CTNND2: variants seen among roughly 807,000 people sequenced by gnomAD.
The protein encoded by CTNND2 is catenin delta-2.
CTNND2 carries 22 observed loss-of-function variants against 144.4 expected under a neutral mutation model. The ratio of observed to expected loss-of-function variants is 0.15; its 90% CI spans 0.11 to 0.22. The LOEUF (loss-of-function observed/expected upper bound fraction) is 0.22, where lower values mean the gene tolerates loss of function less well. CTNND2 is among the 10% of genes least tolerant of loss of function. The pLI is 1.00. For synonymous variants in CTNND2, 751 were observed against 695.6 expected (o/e 1.08, Z -1.25); for missense variants, 1,353 against 1,618.8 (o/e 0.84, Z 2.82).
intron 2 of CTNND2, among the ~76,000 whole-genome samples, chr5:11,604,962 G>A (rs995393899): frequency 1.3e-5 from 2 of 152,150 alleles, no homozygotes; most frequent in Non-Finnish European, 2.9e-5. Flanking sequence ...GTTGCAGAAA[G>A]GTATTTGGAG....
At chr5:11,505,900 G>A (rs1770982939) in intron 3 of CTNND2, among the ~76,000 whole-genome samples, 1 of 152,132 alleles carries the variant, frequency 6.6e-6, no homozygotes, top group African/African-American at 2.4e-5. Flanking sequence ...TGTGCCAGCT[G>A]CGTTGGGTTT....
At chr5:11,299,194 T>G (rs1480414048) in intron 9 of CTNND2, among the ~76,000 whole-genome samples, 4 of 152,200 alleles carry the variant, frequency 2.6e-5, no homozygotes, top group Non-Finnish European at 5.9e-5. Context: ...CTAGCTGTTC[T>G]TTGGTTTTGG....
intron 12 of CTNND2, among the ~76,000 whole-genome samples, chr5:11,145,608 C>T (rs1757165679): frequency 6.6e-6 from 1 of 152,094 alleles, no homozygotes; most frequent in Non-Finnish European, 1.5e-5. Context: ...TATCATGGGT[C>T]CTCTCATCCT....
intron 11 of CTNND2, among the ~76,000 whole-genome samples, chr5:11,163,011 T>G (rs916477878): frequency 1.3e-5 from 2 of 152,006 alleles, no homozygotes; most frequent in South Asian, 2.1e-4. Context: ...GGAAAATAAA[T>G]TTTTTCCTCA....
chr5:11,292,292 T>C (rs1002938013), intron 9 of CTNND2, among the ~76,000 whole-genome samples: 15 of 152,106 alleles, frequency 9.9e-5, no homozygotes, highest in Admixed American at 7.2e-4. Flanking sequence ...CCGTAGTAGA[T>C]GTATTTAGTT....
At chr5:11,799,593 T>C (rs1189851526) in intron 1 of CTNND2, among the ~76,000 whole-genome samples, 2 of 152,290 alleles carry the variant, frequency 1.3e-5, no homozygotes, top group East Asian at 3.9e-4. Context: ...TTTGTGGAAT[T>C]TAATAGGAAA....
At chr5:11,756,749 C>A (rs1788964733) in intron 1 of CTNND2, among the ~76,000 whole-genome samples, 1 of 117,186 alleles carries the variant, frequency 8.5e-6, no homozygotes, top group African/African-American at 2.8e-5. Context: ...GAGACCATTT[C>A]AGACCATTAC....
chr5:11,498,835 A>C (rs1003462990), intron 3 of CTNND2, among the ~76,000 whole-genome samples: 1 of 152,218 alleles, frequency 6.6e-6, no homozygotes, highest in Non-Finnish European at 1.5e-5. Context: ...ACGACAATGA[A>C]GGTCATCTAA....
In CTNND2 at chr5:11,596,513, C is replaced by T. The variant is rs540099504; in HGVS notation, c.175-31457G>A. ...GCTAAGGCACTAGCCAAAGAGACTA[C>T]TTTAAAAATATTTATTTGCAAAGAG... On this transcript the variant is annotated intron_variant, in intron 2 of 21. Coordinates refer to ENST00000304623, the MANE Select transcript of CTNND2 (RefSeq NM_001332.4). Among the ~76,000 whole-genome samples, 11 of 152,274 alleles carry T rather than the reference C, an allele frequency of 7.2e-5. No individual in the cohort carries two copies. The East Asian group carries it at 2.1e-3, about 29-fold the overall frequency.
At chr5:11,662,729 C>T (rs979723787) in intron 2 of CTNND2, among the ~76,000 whole-genome samples, 2 of 152,120 alleles carry the variant, frequency 1.3e-5, no homozygotes, top group Admixed American at 6.6e-5. Flanking sequence ...CTGTGAACTG[C>T]GCATGCAAGA....
At chr5:10,978,871 C>T (rs765832883) in intron 21 of CTNND2, among the ~76,000 whole-genome samples, 1 of 152,224 alleles carries the variant, frequency 6.6e-6, no homozygotes, top group East Asian at 1.9e-4. Context: ...TGCTTAAATG[C>T]TCGGGATCTG....
chr5:11,720,320 T>G (rs1372074156), intron 2 of CTNND2, among the ~76,000 whole-genome samples: 1 of 152,164 alleles, frequency 6.6e-6, no homozygotes, highest in Non-Finnish European at 1.5e-5. Context: ...CTTCCAAATA[T>G]ATGGGGGGCT....
chr5:11,074,725 G>C (rs144458470), intron 16 of CTNND2, among the ~76,000 whole-genome samples: 1 of 152,102 alleles, frequency 6.6e-6, no homozygotes, highest in Non-Finnish European at 1.5e-5. Flanking sequence ...GTAAAGACCT[G>C]GCATGGAGGA....
chr5:11,648,296 A>T (rs1561655975), intron 2 of CTNND2, among the ~76,000 whole-genome samples: 2 of 152,080 alleles, frequency 1.3e-5, no homozygotes, highest in Non-Finnish European at 2.9e-5. Flanking sequence ...ATGGGCCACC[A>T]GACCTAGGCT....
intron 13 of CTNND2, among the ~76,000 whole-genome samples, chr5:11,112,868 C>T (rs1753147414): frequency 6.6e-6 from 1 of 152,026 alleles, no homozygotes; most frequent in Non-Finnish European, 1.5e-5. Flanking sequence ...ACAGGCTGGG[C>T]GCGGTGGCTC....
chr5:11,392,355 A>G (rs1290332579), intron 6 of CTNND2, among the ~76,000 whole-genome samples: 1 of 152,250 alleles, frequency 6.6e-6, no homozygotes, highest in Non-Finnish European at 1.5e-5. Flanking sequence ...AAATAAAGCA[A>G]TGATGTAAGT....
chr5:11,185,971 C>T (rs1339200350), intron 11 of CTNND2, among the ~76,000 whole-genome samples: 33 of 152,242 alleles, frequency 2.2e-4, no homozygotes, highest in Admixed American at 2.1e-3. Context: ...AGTAAAGCCA[C>T]AAATCAGTTA....
chr5:10,975,398 T>C (rs1157093053), intron 21 of CTNND2, among the ~76,000 whole-genome samples: 2 of 152,238 alleles, frequency 1.3e-5, no homozygotes, highest in African/African-American at 2.4e-5. Context: ...TTATGTGTGT[T>C]TGTGTCTGTC....
intron 9 of CTNND2, among the ~76,000 whole-genome samples, chr5:11,318,986 AGC>A (rs1751773904): frequency 6.6e-6 from 1 of 152,096 alleles, no homozygotes; most frequent in African/African-American, 2.4e-5. Context: ...CACTGTTTTA[AGC>A]ATGCTGTATA....
Sources: gnomAD v4.1 joint callset for allele counts (sites outside exome capture counted in the v4.1 genomes callset) on GRCh38, gnomAD v4.1.1 for gene constraint, MANE v1.5 for transcripts, NCBI Gene and HGNC (gene_info 2026-07-23, HGNC 2026-07-21) for gene names.